The following RAB11FIP2 variants were observed in gnomAD, a reference collection of about 807,000 sequenced individuals.
RAB11FIP2 encodes rab11 family-interacting protein 2.
In RAB11FIP2, 16 loss-of-function variants were observed where a neutral mutation model predicts 40.9. The observed-to-expected ratio is 0.39, with a 90% CI of 0.26 to 0.59. The LOEUF is 0.59. Ranked by LOEUF, RAB11FIP2 falls within the 20% of genes least tolerant of loss-of-function variation. RAB11FIP2 has a pLI of 0.53. For synonymous variants in RAB11FIP2, 228 were observed against 213.7 expected, an observed-to-expected ratio of 1.07 and a Z score of -0.58; for missense variants, 532 against 606.2, an observed-to-expected ratio of 0.88 and a Z score of 1.28.
At chr10:118,039,557 T>C in intron 2 of RAB11FIP2, 117 bp from the exon 3 acceptor site, 4 of 853,888 alleles carry the variant, frequency 4.7e-6, no homozygotes, top group Middle Eastern at 3.5e-4. Flanking sequence ...CTTAAATGTA[T>C]TAACCTTCAA....
chr10:118,014,931 A>G, intron 4 of RAB11FIP2, 134 bp downstream of exon 4: 1 of 669,230 alleles, frequency 1.5e-6, no homozygotes, highest in South Asian at 2.6e-5. Flanking sequence ...TTTCTCCTAA[A>G]ATTACTACGC....
Position 118,039,439 on chromosome 10 carries a change from T to C in RAB11FIP2, c.798A>G (p.Gly266=). Residue 266 remains glycine, a splice_region_variant and synonymous_variant, in exon 3 of 5, where the codon GGA becomes GGG. Transcript: ENST00000355624. ...TTCTTCTGTGTGGAGATTTGAGACTTCCTACAAACAATTTTGTAGTTAGTA... is the reference window on the plus strand; with the variant it reads ...TTCTTCTGTGTGGAGATTTGAGACTCCCTACAAACAATTTTGTAGTTAGTA... ...LDSFGTVPES[G]SLKSPHRRTL... 1 of 1,607,658 alleles carries C rather than the reference T, an allele frequency of 6.2e-7. No individual in the cohort carries two copies. Among genetic ancestry groups the C allele is most frequent in the South Asian group, 1.1e-5 (1 of 90,750 alleles).
At chr10:118,023,073 T>C (rs566461738) in intron 3 of RAB11FIP2, among the ~76,000 whole-genome samples, 67 of 152,364 alleles carry the variant, frequency 4.4e-4, no homozygotes, top group Non-Finnish European at 8.8e-4. Flanking sequence ...ATTTTCAAAC[T>C]GGTGGACTGC....
intron 3 of RAB11FIP2, among the ~76,000 whole-genome samples, chr10:118,025,721 T>C (rs1846334692): frequency 6.6e-6 from 1 of 152,224 alleles, no homozygotes; most frequent in Non-Finnish European, 1.5e-5. Context: ...TTAACAGTTT[T>C]AGGCAGGTTA....
At chr10:118,023,450 A>G (rs1281659802) in intron 3 of RAB11FIP2, among the ~76,000 whole-genome samples, 1 of 152,210 alleles carries the variant, frequency 6.6e-6, no homozygotes, top group Non-Finnish European at 1.5e-5. Flanking sequence ...TAATGATATT[A>G]CAGATGAAAA....
chr10:118,036,243 A>G (rs987814825), intron 3 of RAB11FIP2, among the ~76,000 whole-genome samples: 2 of 152,096 alleles, frequency 1.3e-5, no homozygotes, highest in African/African-American at 4.8e-5. Context: ...TTCCATGGCT[A>G]TGTATTTTAC....
chr10:118,018,564 T>A (rs953181042), intron 3 of RAB11FIP2, among the ~76,000 whole-genome samples: 1 of 152,226 alleles, frequency 6.6e-6, no homozygotes, highest in Non-Finnish European at 1.5e-5. Context: ...CATTCTGAAG[T>A]TTTTATGCAA....
chr10:118,011,048 C>T (rs142431802), intron 4 of RAB11FIP2, among the ~76,000 whole-genome samples: 5 of 151,874 alleles, frequency 3.3e-5, no homozygotes, highest in African/African-American at 1.2e-4. Context: ...ATGATTAAAG[C>T]TATGTTCCAG....
At chr10:118,029,484 G>A (rs1252818347) in intron 3 of RAB11FIP2, among the ~76,000 whole-genome samples, 2 of 152,080 alleles carry the variant, frequency 1.3e-5, no homozygotes, top group Non-Finnish European at 2.9e-5. Flanking sequence ...TGGTTCCCCA[G>A]TGTCTATACA....
At position 118,040,345 on chromosome 10, in the gene RAB11FIP2, G is replaced by A; in HGVS notation, c.574C>T (p.His192Tyr). The change falls in exon 2 of 5, where the codon CAC becomes TAC. Residue 192 changes from histidine to tyrosine, a missense_variant. Coordinates refer to ENST00000355624, the MANE Select transcript of RAB11FIP2 (RefSeq NM_014904.3). Reference protein sequence around the residue: ...DTSSAIIPSTHMPDANSEFSS... With the variant: ...DTSSAIIPSTYMPDANSEFSS... The stretch of plus-strand genomic sequence containing the variant: ...AATTCACTATTGGCATCGGGCATGT[G>A]AGTACTTGGAATGATTGCAGAAGAC... 6.2e-7 allele frequency: 1 copy of A among 1,613,810 alleles called. No homozygotes were observed. Among genetic ancestry groups the A allele is most frequent in the East Asian group, 2.2e-5 (1 of 44,870 alleles).
chr10:118,035,012 A>G (rs1024264517), intron 3 of RAB11FIP2, among the ~76,000 whole-genome samples: 5 of 152,120 alleles, frequency 3.3e-5, no homozygotes, highest in African/African-American at 1.2e-4. Flanking sequence ...CCAATGGGAC[A>G]TATGTGGAAG....
At chr10:118,045,402 G>T (rs75254383) in intron 1 of RAB11FIP2, 6,142 of 167,900 alleles carry the variant, frequency 0.037, 405 homozygotes, top group African/African-American at 0.14. Context: ...CAGCTACAAA[G>T]TGCGACACAT....
intron 3 of RAB11FIP2, among the ~76,000 whole-genome samples, chr10:118,028,192 A>T (rs1305393457): frequency 6.6e-6 from 1 of 152,152 alleles, no homozygotes; most frequent in Non-Finnish European, 1.5e-5. Context: ...AAGAAGGCCA[A>T]GCTGATTCAA....
chr10:118,014,503 C>T (rs1846193108), intron 4 of RAB11FIP2, among the ~76,000 whole-genome samples: 1 of 152,120 alleles, frequency 6.6e-6, no homozygotes, highest in African/African-American at 2.4e-5. Context: ...TCTGAATAAT[C>T]CTTGCAAAAT....
rs1416632476 is a variant in RAB11FIP2, at chr10:118,006,937, CT to C, written c.*2060del. On this transcript the variant is annotated 3_prime_UTR_variant, in exon 5 of 5. Coordinates refer to ENST00000355624, the MANE Select transcript of RAB11FIP2 (RefSeq NM_014904.3). ...CTTGAACCATACTTTTAAATGAGTT[CT>C]ATTTATGTAAAACATATCCCCAATA... The C allele has an allele frequency of 1.3e-5, 2 of 152,384 alleles. No homozygotes were observed. The allele number at this position is 152,384 out of a possible 1,614,324, so 9.4% of individuals were successfully genotyped here.
At position 118,008,189 on chromosome 10, in the gene RAB11FIP2, T is replaced by G. The variant is rs1846116469; in HGVS notation, c.*809A>C. ...TAAATTCATGCTGTTATGAAGTTAA[T>G]GAAGTCTCCTAAAATTTGTCATTCT... On this transcript the variant is annotated 3_prime_UTR_variant, in exon 5 of 5. Coordinates refer to ENST00000355624, the MANE Select transcript of RAB11FIP2 (RefSeq NM_014904.3). 1 of 152,220 alleles carries G rather than the reference T, an allele frequency of 6.6e-6. No individual in the cohort carries two copies. Among genetic ancestry groups the G allele is most frequent in the Admixed American group, 6.6e-5 (1 of 15,260 alleles). 9.4% of individuals were successfully genotyped at this position (152,220 alleles called of 1,614,324 possible). A position where few individuals can be genotyped will look rare whatever the true frequency, so the allele number is the denominator to read the frequency against.
chr10:118,043,919 T>G (rs567502354), intron 1 of RAB11FIP2, among the ~76,000 whole-genome samples: 31 of 152,274 alleles, frequency 2.0e-4, no homozygotes, highest in African/African-American at 7.5e-4. Flanking sequence ...AATAAAGATA[T>G]CTCATCAAAT....
chr10:118,038,180 T>C (rs942717173), intron 3 of RAB11FIP2, among the ~76,000 whole-genome samples: 2 of 151,804 alleles, frequency 1.3e-5, no homozygotes, highest in African/African-American at 4.8e-5. Context: ...TTTCATCGTT[T>C]ACTTCTGTAA....
At chr10:118,017,398 T>C (rs1458353562) in intron 3 of RAB11FIP2, 2 of 152,142 alleles carry the variant, frequency 1.3e-5, no homozygotes, top group African/African-American at 4.8e-5. Flanking sequence ...CATAGAGAAA[T>C]GAAATGTTCT....
Sources: gnomAD v4.1 joint callset for allele counts (sites outside exome capture counted in the v4.1 genomes callset) on GRCh38, gnomAD v4.1.1 for gene constraint, MANE v1.5 for transcripts, NCBI Gene and HGNC (gene_info 2026-07-23, HGNC 2026-07-21) for gene names.